OGDH: variants seen among roughly 807,000 people sequenced by gnomAD.
OGDH encodes the protein 2-oxoglutarate dehydrogenase complex component E1.
In OGDH, 38 loss-of-function variants were observed where a neutral mutation model predicts 116.6. The observed-to-expected ratio is 0.33, with a 90% CI of 0.25 to 0.43. OGDH has a LOEUF of 0.43. OGDH is among the 20% of genes least tolerant of loss of function. The pLI, the probability that OGDH is intolerant of heterozygous loss-of-function variation, is 1.00. For synonymous variants in OGDH, 488 were observed against 533.3 expected (o/e 0.92, Z 1.17); for missense variants, 825 against 1,357.2 (o/e 0.61, Z 6.16).
At chr7:44,679,887 T>G (rs1319550792) in intron 9 of OGDH, among the ~76,000 whole-genome samples, 5 of 152,132 alleles carry the variant, frequency 3.3e-5, no homozygotes, top group East Asian at 3.9e-4. Context: ...CCCTGCAGAC[T>G]TTGCACTTGC....
At chr7:44,705,092 G>A (rs1202190753) in intron 20 of OGDH, among the ~76,000 whole-genome samples, 1 of 104,234 alleles carries the variant, frequency 9.6e-6, no homozygotes, top group Non-Finnish European at 1.7e-5. Context: ...TCGCTCTGTC[G>A]CCCAGGCTGG....
intron 1 of OGDH, among the ~76,000 whole-genome samples, chr7:44,620,938 C>T (rs1220688317): frequency 1.3e-5 from 2 of 152,176 alleles, no homozygotes; most frequent in African/African-American, 4.8e-5. Flanking sequence ...ATTGTTTAAA[C>T]AATTGAATGT....
chr7:44,629,054 C>T (rs1280456009), intron 2 of OGDH, among the ~76,000 whole-genome samples: 1 of 152,092 alleles, frequency 6.6e-6, no homozygotes, highest in African/African-American at 2.4e-5. Context: ...CTATGAAACC[C>T]TCCTCATTAG....
intron 3 of OGDH, among the ~76,000 whole-genome samples, chr7:44,647,218 T>C (rs1786224640): frequency 6.6e-6 from 1 of 152,274 alleles, no homozygotes; most frequent in African/African-American, 2.4e-5. Flanking sequence ...TTCAGACTCC[T>C]AAGTTTATCA....
intron 1 of OGDH, among the ~76,000 whole-genome samples, chr7:44,616,657 A>G (rs560917365): frequency 4.4e-4 from 66 of 148,344 alleles, no homozygotes; most frequent in Non-Finnish European, 8.8e-4. Context: ...ATACACATAT[A>G]TATACGTATA....
chr7:44,618,922 G>A (rs1485598143), intron 1 of OGDH, among the ~76,000 whole-genome samples: 1 of 152,226 alleles, frequency 6.6e-6, no homozygotes, highest in Non-Finnish European at 1.5e-5. Context: ...GCCTGGCTGG[G>A]TTTCCCCACT....
At chr7:44,609,263 T>C (rs1479888011) in intron 1 of OGDH, among the ~76,000 whole-genome samples, 1 of 146,688 alleles carries the variant, frequency 6.8e-6, no homozygotes, top group Non-Finnish European at 1.5e-5. Context: ...CCTAGCAACT[T>C]TGGGAGGCTG....
At chr7:44,645,617 T>G (rs1786138784) in intron 3 of OGDH, 99 bp downstream of exon 3, 1 of 1,138,106 alleles carries the variant, frequency 8.8e-7, no homozygotes, top group Non-Finnish European at 1.2e-6. Context: ...TGTTGTCACT[T>G]TACTTATACC....
intron 9 of OGDH, among the ~76,000 whole-genome samples, chr7:44,681,196 A>G (rs2116228123): frequency 6.6e-6 from 1 of 152,322 alleles, no homozygotes; most frequent in African/African-American, 2.4e-5. Flanking sequence ...CAAGGAAAAC[A>G]ATGGTGAGTG....
rs112317064 is a variant in OGDH, at chr7:44,627,089, G to T, written c.222+2524G>T. ...TCAGCTCACTGCAACCTCCACCTCC[G>T]AGGCTCAAGCGATTCTCCTGCCTCA... On this transcript the variant is annotated intron_variant, in intron 2 of 22. Transcript: ENST00000222673. Among the ~76,000 whole-genome samples, 419 of 152,072 alleles carry T rather than the reference G, an allele frequency of 2.8e-3. 2 individuals are homozygous for T. Among genetic ancestry groups the T allele is most frequent in the African/African-American group, 9.8e-3 (406 of 41,498 alleles).
intron 10 of OGDH, among the ~76,000 whole-genome samples, chr7:44,686,569 T>G (rs1484596803): frequency 6.6e-6 from 1 of 152,186 alleles, no homozygotes; most frequent in East Asian, 1.9e-4. Context: ...TCTTCTATAT[T>G]CTGAATGAGT....
At chr7:44,653,203 G>A (rs1307549046) in intron 4 of OGDH, among the ~76,000 whole-genome samples, 1 of 151,532 alleles carries the variant, frequency 6.6e-6, no homozygotes, top group East Asian at 1.9e-4. Context: ...AGTGATTCTC[G>A]TGCCTCAGCC....
intron 1 of OGDH, among the ~76,000 whole-genome samples, chr7:44,616,708 CAT>C (rs1282862128): frequency 2.2e-5 from 3 of 138,048 alleles, no homozygotes; most frequent in Admixed American, 7.3e-5. Flanking sequence ...TATATACACA[CAT>C]GTTTATGTAT....
intron 4 of OGDH, among the ~76,000 whole-genome samples, chr7:44,649,311 A>G (rs1288826274): frequency 2.1e-5 from 3 of 139,760 alleles, no homozygotes; most frequent in East Asian, 2.2e-4. Flanking sequence ...GTGCAGCAGC[A>G]TAATCTCGGC....
chr7:44,673,683 C>T lies in OGDH; in HGVS notation c.634-104C>T, dbSNP rs569443723. 7.1e-6 allele frequency: 8 copies of T among 1,131,584 alleles called. No homozygotes were observed. The South Asian group carries it at 1.1e-4, about 15-fold the overall frequency. 70.1% of individuals were successfully genotyped at this position (1,131,584 alleles called of 1,614,324 possible). A position where few individuals can be genotyped will look rare whatever the true frequency, so the allele number is the denominator to read the frequency against. ...TGATTGGAGTACATTTCAGAACAAGCCTCCTGCTTATCCCCTCCTTCTGGC... is the reference window on the plus strand; with the variant it reads ...TGATTGGAGTACATTTCAGAACAAGTCTCCTGCTTATCCCCTCCTTCTGGC... On this transcript the variant is annotated intron_variant, in intron 5 of 22. Coordinates refer to ENST00000222673, the MANE Select transcript of OGDH (RefSeq NM_002541.4).
intron 2 of OGDH, among the ~76,000 whole-genome samples, chr7:44,634,870 C>T (rs934031823): frequency 6.6e-6 from 1 of 152,226 alleles, no homozygotes; most frequent in African/African-American, 2.4e-5. Context: ...AGCCCAACAG[C>T]ATGAATCATT....
At chr7:44,661,599 G>T (rs112470467) in intron 4 of OGDH, among the ~76,000 whole-genome samples, 3,069 of 151,572 alleles carry the variant, frequency 0.02, 39 homozygotes, top group African/African-American at 0.027. Context: ...ATAGTTTATG[G>T]TTTTTTGGGT....
chr7:44,658,135 A>G (rs920785931), intron 4 of OGDH, among the ~76,000 whole-genome samples: 1 of 152,212 alleles, frequency 6.6e-6, no homozygotes, highest in Non-Finnish European at 1.5e-5. Context: ...ATCTATGTCT[A>G]CATATACCTT....
intron 1 of OGDH, among the ~76,000 whole-genome samples, chr7:44,616,844 C>T (rs1416352601): frequency 9.2e-4 from 105 of 113,534 alleles, no homozygotes; most frequent in African/African-American, 3.5e-3. Context: ...TACACATATA[C>T]GTGTATATAT....
Sources: gnomAD v4.1 joint callset for allele counts (sites outside exome capture counted in the v4.1 genomes callset) on GRCh38, gnomAD v4.1.1 for gene constraint, MANE v1.5 for transcripts, NCBI Gene and HGNC (gene_info 2026-07-23, HGNC 2026-07-21) for gene names.